Variants in ANAPC10 observed in about 807,000 individuals in gnomAD.
ANAPC10 encodes anaphase-promoting complex subunit 10.
A neutral mutation model predicts 22.0 loss-of-function variants in ANAPC10; 12 were observed. That is an observed-to-expected ratio of 0.55 (90% CI 0.35 to 0.88). The LOEUF (loss-of-function observed/expected upper bound fraction) is 0.88. Among genes scored for constraint, ANAPC10 ranks in the 40% least tolerant of loss-of-function variants. The pLI is 0.01. For synonymous variants in ANAPC10, 65 were observed against 69.5 expected (o/e 0.94, Z 0.32); for missense variants, 188 against 220.9 (o/e 0.85, Z 0.94).
chr4:145,081,440 A>C, intron 3 of ANAPC10: 1 of 374,964 alleles, frequency 2.7e-6, no homozygotes, highest in Non-Finnish European at 4.7e-6. Flanking sequence ...ACATAAAAGG[A>C]ACTATGCAAC....
chr4:145,079,866 C>A (rs1745710881), intron 3 of ANAPC10, among the ~76,000 whole-genome samples: 1 of 152,076 alleles, frequency 6.6e-6, no homozygotes, highest in Non-Finnish European at 1.5e-5. Context: ...ATAATCCCAG[C>A]ACTTTGGGAG....
chr4:145,005,785 T>C (rs1015307917), intron 4 of ANAPC10, among the ~76,000 whole-genome samples: 1 of 152,098 alleles, frequency 6.6e-6, no homozygotes, highest in Non-Finnish European at 1.5e-5. Context: ...ATTTTCTTAG[T>C]ATTGATTTCT....
intron 4 of ANAPC10, among the ~76,000 whole-genome samples, chr4:145,017,724 T>C (rs1462597417): frequency 6.6e-6 from 1 of 152,068 alleles, no homozygotes; most frequent in African/African-American, 2.4e-5. Context: ...CCAACCCAAA[T>C]TGTCCAATGA....
rs139070623 is a variant in ANAPC10, at chr4:145,090,559, G to A, written c.115+5426C>T. 4.9e-3 allele frequency among the ~76,000 whole-genome samples: 743 copies of A among 152,290 alleles called. 1 individual carries two copies. Among genetic ancestry groups the A allele is most frequent in the Non-Finnish European group, 7.2e-3 (490 of 68,012 alleles). On this transcript the variant is annotated intron_variant, in intron 2 of 4. Transcript: ENST00000507656. Reference sequence around the variant, plus strand: ...ACACTGAGCCCATATTTAGTGGAAAGCACTATTGTGTAATGGAGTCTGTCT... The same window carrying A: ...ACACTGAGCCCATATTTAGTGGAAAACACTATTGTGTAATGGAGTCTGTCT...
intron 4 of ANAPC10, among the ~76,000 whole-genome samples, chr4:145,045,496 T>C (rs150743665): frequency 7.2e-5 from 11 of 152,214 alleles, no homozygotes; most frequent in African/African-American, 2.2e-4. Flanking sequence ...CTTGTAAAAC[T>C]GGATTACAGA....
intron 4 of ANAPC10, among the ~76,000 whole-genome samples, chr4:145,025,333 C>A (rs1467073805): frequency 1.7e-5 from 1 of 59,024 alleles, no homozygotes; most frequent in Non-Finnish European, 3.2e-5. Flanking sequence ...TTTCAACACG[C>A]CCCCCCCCCC....
rs1271873473 is a variant in ANAPC10, at chr4:145,008,300, A to G, written c.328-12697T>C. Among the ~76,000 whole-genome samples, 6 of 152,176 alleles carry G rather than the reference A, an allele frequency of 3.9e-5. 1 individual carries two copies. The highest frequency in any genetic ancestry group is 3.9e-4 in the Admixed American group (6 of 15,282). ...CATTCCTTCTGAAACTATTCCAATC[A>G]ATAGAAAAAGAGGGAATCCTCCCTA... On this transcript the variant is annotated intron_variant, in intron 4 of 4. Coordinates refer to ENST00000507656, the MANE Select transcript of ANAPC10 (RefSeq NM_001256706.2).
At chr4:145,000,054 A>C (rs1254347736) in intron 4 of ANAPC10, among the ~76,000 whole-genome samples, 2 of 152,206 alleles carry the variant, frequency 1.3e-5, no homozygotes, top group African/African-American at 4.8e-5. Context: ...AAATTAATTC[A>C]AGATGGATTA....
At position 145,025,785 on chromosome 4, in the gene ANAPC10, C is replaced by T. The variant is rs548960103; in HGVS notation, c.328-30182G>A. 4.2e-3 allele frequency among the ~76,000 whole-genome samples: 637 copies of T among 152,250 alleles called. 3 individuals are homozygous for T. Among genetic ancestry groups the T allele is most frequent in the African/African-American group, 0.014 (598 of 41,548 alleles). On this transcript the variant is annotated intron_variant, in intron 4 of 4. Coordinates refer to ENST00000507656, the MANE Select transcript of ANAPC10 (RefSeq NM_001256706.2). Reference sequence around the variant, plus strand: ...TGCTCAATGCAGAGTTGCCACAAATCTTCGATTTGTAAAAACACAGTATTT... The same window carrying T: ...TGCTCAATGCAGAGTTGCCACAAATTTTCGATTTGTAAAAACACAGTATTT...
intron 4 of ANAPC10, among the ~76,000 whole-genome samples, chr4:145,017,835 G>T (rs942517958): frequency 6.6e-6 from 1 of 151,904 alleles, no homozygotes; most frequent in Non-Finnish European, 1.5e-5. Context: ...GGATGAAGAT[G>T]GAAACCATCA....
chr4:145,019,166 G>C lies in ANAPC10; in HGVS notation c.328-23563C>G, dbSNP rs140901712. Among the ~76,000 whole-genome samples, 157 of 152,220 alleles carry C rather than the reference G, an allele frequency of 1.0e-3. 5 individuals carry two copies. In the East Asian group the frequency reaches 0.025, roughly 24 times the overall value. On this transcript the variant is annotated intron_variant, in intron 4 of 4. Coordinates refer to ENST00000507656, the MANE Select transcript of ANAPC10 (RefSeq NM_001256706.2). ...ATACACAATCTATTCAATAGCGCAT[G>C]GGACTTTCTCCAAGATGGACCACAT...
intron 4 of ANAPC10, among the ~76,000 whole-genome samples, chr4:145,026,287 T>C (rs1736647141): frequency 6.6e-6 from 1 of 152,246 alleles, no homozygotes. Context: ...CAGGGCACTA[T>C]TCTCATTGGT....
chr4:145,029,164 T>A (rs1465871841), intron 4 of ANAPC10, among the ~76,000 whole-genome samples: 5 of 152,074 alleles, frequency 3.3e-5, no homozygotes, highest in African/African-American at 1.2e-4. Flanking sequence ...GTTCGTAAAC[T>A]CTGATGAGGT....
At chr4:145,008,019 A>C (rs1368862956) in intron 4 of ANAPC10, among the ~76,000 whole-genome samples, 1 of 152,226 alleles carries the variant, frequency 6.6e-6, no homozygotes, top group African/African-American at 2.4e-5. Context: ...CACCGATCCC[A>C]CAGAAGTACA....
rs1731500641 is a variant in ANAPC10 at position 144,995,661 on chromosome 4, A to G, written c.328-58T>C. On this transcript the variant is annotated intron_variant, in intron 4 of 4. Coordinates refer to ENST00000507656, the MANE Select transcript of ANAPC10 (RefSeq NM_001256706.2). ...TATTCAACAAATATAATTTATAACA[A>G]TGAATGCATTCTATAATAAAATAAC... is the stretch of plus-strand genomic sequence containing the variant. The G allele has an allele frequency of 4.5e-6, 5 of 1,103,672 alleles. 1 individual carries two copies. Among genetic ancestry groups the G allele is most frequent in the Admixed American group, 4.7e-5 (2 of 42,928 alleles). The allele number at this position is 1,103,672 out of a possible 1,614,324, so 68.4% of individuals were successfully genotyped here.
rs184706425 is a variant in ANAPC10 at position 145,080,651 on chromosome 4, G to A, written c.206+1009C>T. On this transcript the variant is annotated intron_variant, in intron 3 of 4. Coordinates refer to ENST00000507656, the MANE Select transcript of ANAPC10 (RefSeq NM_001256706.2). The stretch of plus-strand genomic sequence containing the variant: ...AGGCCAGGTACAGTGGCTCACGCCT[G>A]TAATCCCAGCACTTTGGGAGGCCGA... Among the ~76,000 whole-genome samples, 181 of 152,244 alleles carry A rather than the reference G, an allele frequency of 1.2e-3. 2 individuals carry two copies. In the South Asian group the frequency reaches 0.012, roughly 10 times the overall value.
intron 4 of ANAPC10, among the ~76,000 whole-genome samples, chr4:145,030,420 CA>C (rs1244326441): frequency 6.6e-6 from 1 of 152,190 alleles, no homozygotes; most frequent in Non-Finnish European, 1.5e-5. Context: ...AAGGTAACTG[CA>C]CTGGGGAAAG....
Position 145,096,083 on chromosome 4 carries a change from T to A in ANAPC10, c.17A>T (p.Lys6Met), listed in dbSNP as rs1260700009. ...CTTGGGGTCAGCACCAGGAGGTGTC[T>A]TGTTTGGTGTAGTCATTTTTAAAAT... MTTPN[K>M]TPPGADPKQL... The change falls in exon 2 of 5, where the codon AAG becomes ATG. Residue 6 changes from lysine (K) to methionine (M), a missense_variant. Transcript: ENST00000507656. 1 of 1,614,154 alleles carries A rather than the reference T, an allele frequency of 6.2e-7. No individual in the cohort carries two copies. Among genetic ancestry groups the A allele is most frequent in the Admixed American group, 1.7e-5 (1 of 60,024 alleles).
intron 4 of ANAPC10, among the ~76,000 whole-genome samples, chr4:145,039,874 G>A (rs886504735): frequency 9.9e-5 from 15 of 152,022 alleles, no homozygotes; most frequent in South Asian, 6.2e-4. Flanking sequence ...AATTACAGGC[G>A]TAAGTCACTG....
Sources: gnomAD v4.1 joint callset for allele counts (sites outside exome capture counted in the v4.1 genomes callset) on GRCh38, gnomAD v4.1.1 for gene constraint, MANE v1.5 for transcripts, NCBI Gene and HGNC (gene_info 2026-07-23, HGNC 2026-07-21) for gene names.